Variants in MFSD11 observed in about 807,000 individuals in gnomAD.
MFSD11 encodes the protein major facilitator superfamily domain containing 11, also known as UNC93-like protein MFSD11.
A neutral mutation model predicts 53.5 loss-of-function variants in MFSD11; 36 were observed. The observed-to-expected ratio is 0.67, with a 90% CI of 0.52 to 0.89. MFSD11 has a LOEUF of 0.89. Ranked by LOEUF, MFSD11 falls within the 40% of genes least tolerant of loss-of-function variation. MFSD11 has a pLI of 0.00. For synonymous variants in MFSD11, 186 were observed against 184.9 expected, an observed-to-expected ratio of 1.01 and a Z score of -0.05; for missense variants, 530 against 543.9, an observed-to-expected ratio of 0.97 and a Z score of 0.25.
chr17:76,736,634 G>T, upstream of MFSD11: 1 of 1,153,384 alleles, frequency 8.7e-7, no homozygotes, highest in Non-Finnish European at 1.1e-6. Flanking sequence ...CTCCCGGGTC[G>T]CAGACGGCGG....
intron 8 of MFSD11, among the ~76,000 whole-genome samples, chr17:76,760,197 G>GT (rs1383984496): frequency 6.6e-6 from 1 of 151,462 alleles, no homozygotes; most frequent in African/African-American, 2.4e-5. Flanking sequence ...GAACCCTGGG[G>GT]TGGGGGTGGT....
intron 8 of MFSD11, among the ~76,000 whole-genome samples, chr17:76,760,845 C>T (rs532077869): frequency 2.6e-5 from 4 of 152,012 alleles, no homozygotes; most frequent in Non-Finnish European, 5.9e-5. Flanking sequence ...CAGTTTCTAT[C>T]GGATTTCAAA....
the MFSD11 span, among the ~76,000 whole-genome samples, chr17:76,795,490 C>CA: frequency 1.3e-3 from 175 of 136,580 alleles, no homozygotes; most frequent in South Asian, 1.8e-3. Context: ...CTCCATCTCC[C>CA]AAAAAAAAAA....
chr17:76,737,324 T>C, upstream of MFSD11: 2 of 916,428 alleles, frequency 2.2e-6, no homozygotes, highest in Non-Finnish European at 3.1e-6. Context: ...CGCACCTGAG[T>C]AACAACTGGG....
chr17:76,756,723 G>A (rs971731020), intron 8 of MFSD11, among the ~76,000 whole-genome samples: 1 of 152,078 alleles, frequency 6.6e-6, no homozygotes, highest in African/African-American at 2.4e-5. Context: ...AGCCAGGCAT[G>A]GTGGCGGATG....
At chr17:76,773,814 G>T (rs553966381) in intron 10 of MFSD11, among the ~76,000 whole-genome samples, 2 of 152,246 alleles carry the variant, frequency 1.3e-5, no homozygotes, top group African/African-American at 4.8e-5. Context: ...CACCATGTTG[G>T]TCAGGATGGT....
the MFSD11 span, among the ~76,000 whole-genome samples, chr17:76,797,351 G>C: frequency 6.6e-6 from 1 of 152,076 alleles, no homozygotes; most frequent in Non-Finnish European, 1.5e-5. Flanking sequence ...CCAGAACTGA[G>C]GGTTCCTCCC....
At chr17:76,752,009 G>T (rs1329918762) in intron 7 of MFSD11, among the ~76,000 whole-genome samples, 1 of 152,188 alleles carries the variant, frequency 6.6e-6, no homozygotes. Context: ...TCTGAAGAGT[G>T]TTATTGAATA....
chr17:76,755,782 G>GTATATATATA (rs1234863900), intron 8 of MFSD11, among the ~76,000 whole-genome samples: 2 of 29,152 alleles, frequency 6.9e-5, no homozygotes, highest in Non-Finnish European at 2.0e-4. Flanking sequence ...GTGTGTGTGT[G>GTATATATATA]TGTGTATACA....
At position 76,743,418 on chromosome 17, in the gene MFSD11, A is replaced by G. The variant is rs572848770; in HGVS notation, c.458A>G (p.Tyr153Cys). The G allele has an allele frequency of 3.2e-6, 5 of 1,583,720 alleles. No individual in the cohort carries two copies. In the African/African-American group the frequency reaches 5.4e-5, roughly 17 times the overall value. ...LQSSLFFGNL[Y>C]IYFAWQGKTQ... ...CCCAGCTTGTTCTTTGGAAATCTCT[A>G]CATATATTTTGCCTGGCAAGGGAAA... The change falls in exon 6 of 13, where the codon TAC becomes TGC. Residue 153 changes from tyrosine to cysteine, a missense_variant. By Grantham distance (194) the Tyr-to-Cys change is radical (BLOSUM62 -2). Transcript: ENST00000685175.
At chr17:76,740,741 C>T (rs1040385172) in intron 2 of MFSD11, among the ~76,000 whole-genome samples, 1 of 152,146 alleles carries the variant, frequency 6.6e-6, no homozygotes, top group Non-Finnish European at 1.5e-5. Flanking sequence ...TGTAGGCAGA[C>T]TGATCCCAAG....
rs1051592564 is a variant in MFSD11 at position 76,776,299 on chromosome 17, A to G, written c.1050-107A>G. 1.3e-5 allele frequency: 16 copies of G among 1,204,640 alleles called. No individual in the cohort carries two copies. Among genetic ancestry groups the G allele is most frequent in the Non-Finnish European group, 1.7e-5 (15 of 864,208 alleles). The allele number at this position is 1,204,640 out of a possible 1,614,324, so 74.6% of individuals were successfully genotyped here. ...AGCTTTGTCTTTATTTTTGTTTCAT[A>G]GTGTTTACAACTTGCAGGTAGAATT... is the stretch of plus-strand genomic sequence containing the variant. On this transcript the variant is annotated intron_variant, in intron 11 of 12. Coordinates refer to ENST00000685175, the MANE Select transcript of MFSD11 (RefSeq NM_001242532.5). The surrounding 1 kb of genome is among the most constrained non-coding windows in gnomAD (Gnocchi z 4.2).
In MFSD11 at chr17:76,774,741, G is replaced by T. The variant is rs150704600; in HGVS notation, c.875-256G>T. ...ACAGGTCAAAGGGGATAGCTTGTGGGGTACAATAATTCACAGAGAAGAAAT... is the reference window on the plus strand; with the variant it reads ...ACAGGTCAAAGGGGATAGCTTGTGGTGTACAATAATTCACAGAGAAGAAAT... On this transcript the variant is annotated intron_variant, in intron 10 of 12. Coordinates refer to ENST00000685175, the MANE Select transcript of MFSD11 (RefSeq NM_001242532.5). Among the ~76,000 whole-genome samples the T allele has an allele frequency of 3.8e-3, 576 of 152,210 alleles. 4 individuals are homozygous for T. Among genetic ancestry groups the T allele is most frequent in the African/African-American group, 0.013 (553 of 41,516 alleles).
intron 8 of MFSD11, among the ~76,000 whole-genome samples, chr17:76,764,349 C>T (rs560270469): frequency 2.0e-4 from 31 of 152,312 alleles, no homozygotes; most frequent in Middle Eastern, 6.8e-3. Flanking sequence ...ATTAGATCCT[C>T]AGCACTCACT....
At chr17:76,772,727 A>G (rs972460651) in intron 10 of MFSD11, among the ~76,000 whole-genome samples, 1 of 152,066 alleles carries the variant, frequency 6.6e-6, no homozygotes, top group Non-Finnish European at 1.5e-5. Context: ...CATGTTGGCC[A>G]GGCTGGTCTC....
intron 6 of MFSD11, 133 bp downstream of exon 6, chr17:76,743,589 C>A: frequency 2.0e-6 from 1 of 500,620 alleles, no homozygotes; most frequent in Admixed American, 3.5e-5. Flanking sequence ...CAGATTTTAG[C>A]TTTTAGTAAG....
At chr17:76,751,698 C>CAA (rs760998250) in intron 7 of MFSD11, among the ~76,000 whole-genome samples, 3 of 67,164 alleles carry the variant, frequency 4.5e-5, no homozygotes, top group South Asian at 4.2e-4. Flanking sequence ...GACTCGGTCT[C>CAA]AAAAAAAAAA....
chr17:76,787,944 A>G, the MFSD11 span, among the ~76,000 whole-genome samples: 1 of 150,050 alleles, frequency 6.7e-6, no homozygotes, highest in Non-Finnish European at 1.5e-5. Flanking sequence ...CACATGACAG[A>G]TAGGAGACCT....
At chr17:76,782,192 T>G (rs2144995542), downstream of MFSD11, among the ~76,000 whole-genome samples, 1 of 151,952 alleles carries the variant, frequency 6.6e-6, no homozygotes, top group Middle Eastern at 3.4e-3. Flanking sequence ...TTTTATTTTT[T>G]GAGATGGAAT....
Sources: gnomAD v4.1 joint callset for allele counts (sites outside exome capture counted in the v4.1 genomes callset) on GRCh38, gnomAD v4.1.1 for gene constraint, Gnocchi (gnomAD v3.1) non-coding constraint, MANE v1.5 for transcripts, NCBI Gene and HGNC (gene_info 2026-07-23, HGNC 2026-07-21) for gene names.